LUZP2: variants seen among roughly 807,000 people sequenced by gnomAD.
LUZP2 encodes leucine zipper protein 2.
LUZP2 carries 52 observed loss-of-function variants against 51.6 expected under a neutral mutation model. That is an observed-to-expected ratio of 1.01 (90% CI 0.81 to 1.27). The LOEUF (loss-of-function observed/expected upper bound fraction) is 1.27, where lower values mean the gene tolerates loss of function less well. Among genes scored for constraint, LUZP2 ranks in the 50% most tolerant of loss-of-function variants. The probability of loss-of-function intolerance (pLI) is 0.00; values close to 1 mark genes in which losing one functional copy is unlikely to be tolerated. For synonymous variants in LUZP2, 154 were observed against 137.3 expected, an observed-to-expected ratio of 1.12 and a Z score of -0.85; for missense variants, 436 against 395.4, an observed-to-expected ratio of 1.10 and a Z score of -0.87.
chr11:24,704,267 A>C (rs753160133), intron 1 of LUZP2, among the ~76,000 whole-genome samples: 4 of 152,208 alleles, frequency 2.6e-5, no homozygotes, highest in Non-Finnish European at 5.9e-5. Context: ...ACTTATATTT[A>C]TAACTATATT....
chr11:24,815,369 A>C (rs2134145222), intron 5 of LUZP2, among the ~76,000 whole-genome samples: 1 of 152,352 alleles, frequency 6.6e-6, no homozygotes, highest in East Asian at 1.9e-4. Flanking sequence ...GAAATTACGA[A>C]GTATATCTCA....
chr11:24,638,817 G>A (rs1244011377), intron 1 of LUZP2, among the ~76,000 whole-genome samples: 1 of 151,422 alleles, frequency 6.6e-6, no homozygotes, highest in Non-Finnish European at 1.5e-5. Context: ...TATAGTATTA[G>A]GGATGAGAAT....
chr11:24,959,314 G>T lies in LUZP2; in HGVS notation c.523-17277G>T, dbSNP rs1000373491. Among the ~76,000 whole-genome samples the T allele has an allele frequency of 5.9e-5, 9 of 152,026 alleles. No individual in the cohort carries two copies. In the South Asian group the frequency reaches 1.5e-3, roughly 25 times the overall value. ...AAGAAAGTCATTGGTAGCTTGATGG[G>T]GATGGCATTGAATCTATAAATTACC... is the stretch of plus-strand genomic sequence containing the variant. On this transcript the variant is annotated intron_variant, in intron 7 of 11. Transcript: ENST00000336930.
Position 24,887,415 on chromosome 11 carries a change from G to A in LUZP2, c.397-18576G>A, listed in dbSNP as rs144858044. 2.6e-4 allele frequency among the ~76,000 whole-genome samples: 40 copies of A among 152,262 alleles called. No homozygotes were observed. In the East Asian group the frequency reaches 4.2e-3, roughly 16 times the overall value. ...CTGGCACTAATATATATACAAGCAC[G>A]TGGCAACAGGTACTAATGTATATGT... On this transcript the variant is annotated intron_variant, in intron 5 of 11. Transcript: ENST00000336930.
At chr11:24,692,706 G>GA (rs1275547510) in intron 1 of LUZP2, among the ~76,000 whole-genome samples, 2 of 151,866 alleles carry the variant, frequency 1.3e-5, no homozygotes, top group Non-Finnish European at 2.9e-5. Flanking sequence ...TATATATTGA[G>GA]AAAAAAATAA....
intron 1 of LUZP2, among the ~76,000 whole-genome samples, chr11:24,506,799 C>G (rs1316107780): frequency 6.6e-6 from 1 of 151,982 alleles, no homozygotes; most frequent in African/African-American, 2.4e-5. Flanking sequence ...CCCATATTCC[C>G]CCAGCTAAAA....
rs142612814 is a variant in LUZP2 at position 25,065,518 on chromosome 11, A to G, written c.859-11811A>G. Among the ~76,000 whole-genome samples, 3 of 152,104 alleles carry G rather than the reference A, an allele frequency of 2.0e-5. No individual in the cohort carries two copies. In the East Asian group the frequency reaches 5.8e-4, roughly 29 times the overall value. ...AGATTGAGGAAAATTGAGTAATCCA[A>G]GGCCACAAAGCTAGTAGATTTAAGA... On this transcript the variant is annotated intron_variant, in intron 10 of 11. Transcript: ENST00000336930.
chr11:24,557,592 T>G (rs1851910591), intron 1 of LUZP2, among the ~76,000 whole-genome samples: 1 of 152,264 alleles, frequency 6.6e-6, no homozygotes, highest in Non-Finnish European at 1.5e-5. Flanking sequence ...ATAATAAAAT[T>G]CCAAATCTTG....
chr11:24,940,195 A>T (rs1194679484), intron 7 of LUZP2, among the ~76,000 whole-genome samples: 2 of 152,202 alleles, frequency 1.3e-5, no homozygotes, highest in African/African-American at 4.8e-5. Context: ...TTTCTCTTAA[A>T]TAAGCAATTT....
intron 5 of LUZP2, among the ~76,000 whole-genome samples, chr11:24,862,028 C>T (rs954947357): frequency 3.9e-5 from 6 of 152,146 alleles, no homozygotes; most frequent in African/African-American, 1.4e-4. Context: ...GGCTTCTGAC[C>T]TTTCAGAAGG....
chr11:24,648,045 C>T (rs546593628), intron 1 of LUZP2, among the ~76,000 whole-genome samples: 2 of 151,988 alleles, frequency 1.3e-5, no homozygotes, highest in East Asian at 1.9e-4. Flanking sequence ...GCCCTGTTTT[C>T]CTCTAGCATG....
chr11:24,615,871 T>C (rs1445012514), intron 1 of LUZP2, among the ~76,000 whole-genome samples: 1 of 151,376 alleles, frequency 6.6e-6, no homozygotes, highest in African/African-American at 2.4e-5. Context: ...TGATGTATAG[T>C]GATACCTCAT....
At chr11:24,526,024 A>G (rs573635588) in intron 1 of LUZP2, among the ~76,000 whole-genome samples, 2 of 151,564 alleles carry the variant, frequency 1.3e-5, no homozygotes, top group South Asian at 2.1e-4. Context: ...ATACATTACC[A>G]AATACTGAGG....
chr11:24,921,661 T>A (rs1287946845), intron 7 of LUZP2, among the ~76,000 whole-genome samples: 1 of 152,182 alleles, frequency 6.6e-6, no homozygotes, highest in Non-Finnish European at 1.5e-5. Flanking sequence ...TCCCTAAAAA[T>A]TATTTCTTAA....
intron 1 of LUZP2, among the ~76,000 whole-genome samples, chr11:24,603,653 T>C (rs1853818657): frequency 6.6e-6 from 1 of 151,828 alleles, no homozygotes; most frequent in African/African-American, 2.4e-5. Context: ...TAAATATGCA[T>C]TGTTGTTCTG....
intron 7 of LUZP2, among the ~76,000 whole-genome samples, chr11:24,948,385 ACT>A (rs5790447): frequency 0.49 from 74,078 of 151,138 alleles, 18,565 homozygotes; most frequent in Non-Finnish European, 0.52. Context: ...ATTTATAATA[ACT>A]CTTTTAAATT....
intron 1 of LUZP2, among the ~76,000 whole-genome samples, chr11:24,534,903 T>A (rs897556510): frequency 6.6e-6 from 1 of 151,408 alleles, no homozygotes; most frequent in African/African-American, 2.4e-5. Flanking sequence ...CTTGAATTTC[T>A]AAGAGCCCAT....
At chr11:24,638,534 A>C (rs1238537562) in intron 1 of LUZP2, among the ~76,000 whole-genome samples, 2 of 151,722 alleles carry the variant, frequency 1.3e-5, no homozygotes, top group African/African-American at 4.9e-5. Context: ...ATAAAAATTC[A>C]AAGTATACAG....
intron 7 of LUZP2, among the ~76,000 whole-genome samples, chr11:24,964,187 G>A (rs752296129): frequency 4.5e-4 from 69 of 152,098 alleles, no homozygotes; most frequent in Admixed American, 1.9e-3. Context: ...GTCAGATGAG[G>A]ATAATTACTT....
Sources: allele counts gnomAD v4.1 joint callset (sites outside exome capture counted in the v4.1 genomes callset), GRCh38; gene constraint gnomAD v4.1.1; transcripts MANE v1.5; gene names NCBI Gene and HGNC (gene_info 2026-07-23, HGNC 2026-07-21).